Variants in DNM3 observed in about 807,000 individuals in gnomAD.
DNM3 encodes dynamin-3.
In DNM3, 47 loss-of-function variants were observed where a neutral mutation model predicts 101.6. The observed-to-expected ratio is 0.46, with a 90% CI of 0.37 to 0.59. DNM3 has a LOEUF of 0.59. DNM3 is among the 20% of genes least tolerant of loss of function. The pLI is 0.00. For synonymous variants in DNM3, 385 were observed against 387.9 expected (o/e 0.99, Z 0.09); for missense variants, 849 against 1,085.7 (o/e 0.78, Z 3.06).
At chr1:171,889,112 T>C (rs1359805196) in intron 1 of DNM3, among the ~76,000 whole-genome samples, 1 of 152,144 alleles carries the variant, frequency 6.6e-6, no homozygotes. Context: ...CCTGAGTAGC[T>C]GGGGCCACAG....
intron 1 of DNM3, among the ~76,000 whole-genome samples, chr1:171,903,228 A>G (rs1227585121): frequency 2.0e-5 from 3 of 152,138 alleles, no homozygotes; most frequent in Non-Finnish European, 4.4e-5. Context: ...AAGCATAAGG[A>G]AAAATTCTAA....
At chr1:172,182,330 T>A (rs2059379844) in intron 14 of DNM3, among the ~76,000 whole-genome samples, 1 of 152,038 alleles carries the variant, frequency 6.6e-6, no homozygotes, top group South Asian at 2.1e-4. Flanking sequence ...TAATTTAGGA[T>A]CTGGCATCAC....
intron 9 of DNM3, among the ~76,000 whole-genome samples, chr1:172,047,733 G>A (rs779702369): frequency 6.6e-6 from 1 of 152,100 alleles, no homozygotes; most frequent in Non-Finnish European, 1.5e-5. Context: ...ATAGTATAAG[G>A]GAAGTGTTGA....
chr1:172,203,987 C>T (rs1252073368), intron 14 of DNM3, among the ~76,000 whole-genome samples: 1 of 152,064 alleles, frequency 6.6e-6, no homozygotes, highest in Non-Finnish European at 1.5e-5. Context: ...TGTAAAATGG[C>T]TGGTACCAAG....
chr1:171,909,933 CA>C (rs1303646801), intron 1 of DNM3, among the ~76,000 whole-genome samples: 1 of 152,178 alleles, frequency 6.6e-6, no homozygotes, highest in African/African-American at 2.4e-5. Flanking sequence ...ACACTTGCCA[CA>C]CGCTTGTGGA....
rs961668561 is a variant in DNM3 at position 172,388,618 on chromosome 1, T to C, written c.2331T>C (p.Ser777=). The C allele has an allele frequency of 1.2e-6, 2 of 1,613,896 alleles. No individual in the cohort carries two copies. Among genetic ancestry groups the C allele is most frequent in the African/African-American group, 2.7e-5 (2 of 74,938 alleles). The stretch of plus-strand genomic sequence containing the variant: ...CAACCCAAAGGAGGCCAACACTAAG[T>C]GCTCCCCTCGCAAGGCCCACATCCG... The part of the protein sequence containing the change: ...SPTTQRRPTL[S]APLARPTSGR... Residue 777 remains serine, a synonymous_variant, in exon 20 of 21, where the codon AGT becomes AGC. Transcript: ENST00000627582.
intron 14 of DNM3, among the ~76,000 whole-genome samples, chr1:172,197,540 G>A (rs528722270): frequency 1.3e-5 from 2 of 152,208 alleles, no homozygotes; most frequent in South Asian, 4.1e-4. Context: ...CTATCCATGA[G>A]CATGGGATGT....
At chr1:172,173,511 A>C (rs1291686643) in intron 14 of DNM3, among the ~76,000 whole-genome samples, 1 of 150,218 alleles carries the variant, frequency 6.7e-6, no homozygotes, top group African/African-American at 2.5e-5. Flanking sequence ...TTTTTAAACA[A>C]GGTCTTGCTA....
chr1:172,179,752 G>T (rs1385595812), intron 14 of DNM3, among the ~76,000 whole-genome samples: 1 of 151,954 alleles, frequency 6.6e-6, no homozygotes, highest in East Asian at 1.9e-4. Flanking sequence ...TAAGTACTGG[G>T]TGACTACTCT....
intron 15 of DNM3, 59 bp from the exon 16 acceptor site, chr1:172,308,668 TA>T: frequency 1.1e-6 from 1 of 872,026 alleles, no homozygotes; most frequent in Non-Finnish European, 1.6e-6. Flanking sequence ...TACAGCAACA[TA>T]AAATGACTTT....
intron 9 of DNM3, 144 bp downstream of exon 9, chr1:172,044,596 G>A: frequency 1.4e-6 from 1 of 690,140 alleles, no homozygotes. Flanking sequence ...TCCTACTTTG[G>A]GGTTTAATGG....
intron 14 of DNM3, among the ~76,000 whole-genome samples, chr1:172,200,594 G>A (rs1227672184): frequency 6.6e-6 from 1 of 152,100 alleles, no homozygotes; most frequent in Non-Finnish European, 1.5e-5. Flanking sequence ...TGGAGGTTTT[G>A]TTCATCCCTT....
intron 11 of DNM3, among the ~76,000 whole-genome samples, chr1:172,075,468 C>T (rs759449715): frequency 6.6e-6 from 1 of 152,162 alleles, no homozygotes; most frequent in Non-Finnish European, 1.5e-5. Context: ...AGTCTTTAAT[C>T]CATCCTGAGT....
At chr1:172,389,053 G>C in intron 20 of DNM3, 2 of 530,294 alleles carry the variant, frequency 3.8e-6, no homozygotes, top group Non-Finnish European at 6.7e-6. Context: ...AGAACACTCC[G>C]TCCCAATGAA....
chr1:172,105,018 T>C (rs2054911047), intron 13 of DNM3, among the ~76,000 whole-genome samples: 1 of 152,222 alleles, frequency 6.6e-6, no homozygotes, highest in African/African-American at 2.4e-5. Flanking sequence ...GTTGTGAAGA[T>C]TAAACACATT....
At chr1:172,400,758 C>T (rs2070420683) in intron 20 of DNM3, among the ~76,000 whole-genome samples, 1 of 152,112 alleles carries the variant, frequency 6.6e-6, no homozygotes, top group African/African-American at 2.4e-5. Context: ...GGACTTGGGA[C>T]AAAACAAGTC....
At position 172,223,636 on chromosome 1, in the gene DNM3, A is replaced by G. The variant is rs114842472; in HGVS notation, c.1660-29937A>G. On this transcript the variant is annotated intron_variant, in intron 14 of 20. Transcript: ENST00000627582. ...GACTTGCCTTTATCTATTGTTCCCT[A>G]TTTCAGTGAATAGCACCTCTATGTC... Among the ~76,000 whole-genome samples, 422 of 152,154 alleles carry G rather than the reference A, an allele frequency of 2.8e-3. 2 individuals are homozygous for G. The highest frequency in any genetic ancestry group is 5.1e-3 in the Non-Finnish European group (348 of 67,986).
intron 15 of DNM3, among the ~76,000 whole-genome samples, chr1:172,284,768 C>T (rs956214990): frequency 2.6e-5 from 4 of 152,230 alleles, no homozygotes; most frequent in Middle Eastern, 3.4e-3. Context: ...TAGTCCATTA[C>T]GGTTCTCTTA....
chr1:172,348,302 T>C (rs2067039954), intron 17 of DNM3, among the ~76,000 whole-genome samples: 1 of 152,104 alleles, frequency 6.6e-6, no homozygotes, highest in African/African-American at 2.4e-5. Flanking sequence ...AATAAAACAA[T>C]TCTCAAATAG....
Sources: allele counts gnomAD v4.1 joint callset (sites outside exome capture counted in the v4.1 genomes callset), GRCh38; gene constraint gnomAD v4.1.1; transcripts MANE v1.5; gene names NCBI Gene and HGNC (gene_info 2026-07-23, HGNC 2026-07-21).